FNIP1: variants seen among roughly 807,000 people sequenced by gnomAD.
FNIP1 encodes the protein folliculin interacting protein 1, also known as folliculin-interacting protein 1.
In FNIP1, 40 loss-of-function variants were observed where a neutral mutation model predicts 124.5. That is an observed-to-expected ratio of 0.32 (90% CI 0.25 to 0.42). The LOEUF (loss-of-function observed/expected upper bound fraction) is 0.42, where lower values mean the gene tolerates loss of function less well. FNIP1 is among the 10% of genes least tolerant of loss of function. The pLI is 1.00. For synonymous variants in FNIP1, 472 were observed against 470.6 expected (o/e 1.00, Z -0.04); for missense variants, 1,176 against 1,403.7 (o/e 0.84, Z 2.59).
chr5:131,730,856 A>G, intron 3 of FNIP1, 48 bp downstream of exon 3: 1 of 1,507,834 alleles, frequency 6.6e-7, no homozygotes, highest in Non-Finnish European at 9.0e-7. Context: ...ATGATGTTCA[A>G]AACTAATTAT....
intron 2 of FNIP1, among the ~76,000 whole-genome samples, chr5:131,739,618 C>T (rs1227088507): frequency 1.3e-5 from 2 of 151,890 alleles, no homozygotes; most frequent in Non-Finnish European, 2.9e-5. Context: ...TGGAGAACAC[C>T]CTGGCTAACA....
chr5:131,711,724 G>A (rs1054909891), intron 6 of FNIP1, among the ~76,000 whole-genome samples: 2 of 152,134 alleles, frequency 1.3e-5, no homozygotes, highest in Admixed American at 6.5e-5. Context: ...TCAAATTCCT[G>A]GGGTCAAGTG....
At chr5:131,706,352 T>C (rs987885894) in intron 9 of FNIP1, 59 bp downstream of exon 9, 38 of 1,453,710 alleles carry the variant, frequency 2.6e-5, no homozygotes, top group Middle Eastern at 1.8e-4. Context: ...AAAAAACCCA[T>C]ATAAAATTGT....
rs181646496 is a variant in FNIP1 at position 131,759,087 on chromosome 5, T to C, written c.93-14397A>G. ...TCTGGATCCTTACTTTTTAACCGTA[T>C]AAAAAAATTAACTCAAGATGGAGTA... On this transcript the variant is annotated intron_variant, in intron 1 of 17. Coordinates refer to ENST00000510461, the MANE Select transcript of FNIP1 (RefSeq NM_133372.3). Among the ~76,000 whole-genome samples the C allele has an allele frequency of 1.1e-4, 17 of 152,042 alleles. No homozygotes were observed. In the East Asian group the frequency reaches 1.4e-3, roughly 12 times the overall value.
chr5:131,736,444 C>T (rs1421699329), intron 2 of FNIP1, among the ~76,000 whole-genome samples: 1 of 152,220 alleles, frequency 6.6e-6, no homozygotes, highest in Non-Finnish European at 1.5e-5. Context: ...ACCACCATTT[C>T]ATCAGTCAAC....
intron 11 of FNIP1, among the ~76,000 whole-genome samples, chr5:131,683,315 G>A (rs751521342): frequency 1.1e-4 from 16 of 151,888 alleles, no homozygotes; most frequent in African/African-American, 1.7e-4. Context: ...TTGGGAGGCC[G>A]AGGCAGGCAG....
chr5:131,643,717 T>G lies in FNIP1; in HGVS notation c.*968A>C, dbSNP rs1430028808. ...GATTATTAAGCAGTGAAACAAATATTCAGCTCCTATGGGTTCATGAGGGTT... is the reference window on the plus strand; with the variant it reads ...GATTATTAAGCAGTGAAACAAATATGCAGCTCCTATGGGTTCATGAGGGTT... On this transcript the variant is annotated 3_prime_UTR_variant, in exon 18 of 18. Transcript: ENST00000510461. The G allele has an allele frequency of 1.3e-5, 2 of 152,698 alleles. No homozygotes were observed. The highest frequency in any genetic ancestry group is 2.9e-5 in the Non-Finnish European group (2 of 68,012). 9.5% of individuals were successfully genotyped at this position (152,698 alleles called of 1,614,324 possible). A position where few individuals can be genotyped will look rare whatever the true frequency, so the allele number is the denominator to read the frequency against.
chr5:131,663,478 T>G (rs1395587802), intron 15 of FNIP1, among the ~76,000 whole-genome samples: 1 of 152,178 alleles, frequency 6.6e-6, no homozygotes, highest in Non-Finnish European at 1.5e-5. Flanking sequence ...AAATGGAAAC[T>G]TTAATCCCTG....
chr5:131,711,725 G>A (rs1431404030), intron 6 of FNIP1, among the ~76,000 whole-genome samples: 2 of 152,150 alleles, frequency 1.3e-5, no homozygotes, highest in Non-Finnish European at 2.9e-5. Context: ...CAAATTCCTG[G>A]GGTCAAGTGA....
At chr5:131,748,711 A>C (rs948378824) in intron 1 of FNIP1, among the ~76,000 whole-genome samples, 18 of 125,770 alleles carry the variant, frequency 1.4e-4, no homozygotes, top group Middle Eastern at 3.8e-3. Flanking sequence ...AAAAAAAAGA[A>C]AAAAAAAAAA....
At chr5:131,763,533 G>A (rs1370752524) in intron 1 of FNIP1, among the ~76,000 whole-genome samples, 2 of 152,082 alleles carry the variant, frequency 1.3e-5, no homozygotes, top group African/African-American at 4.8e-5. Context: ...GTGGAGAAAG[G>A]CGAAGAAGGA....
chr5:131,686,426 C>T (rs1289755896), intron 11 of FNIP1, among the ~76,000 whole-genome samples: 2 of 152,132 alleles, frequency 1.3e-5, no homozygotes, highest in Non-Finnish European at 2.9e-5. Context: ...CTCACTGCAA[C>T]CTTGACTACC....
At chr5:131,673,053 T>G (rs913515807) in intron 13 of FNIP1, 129 bp from the exon 14 acceptor site, 1 of 515,826 alleles carries the variant, frequency 1.9e-6, no homozygotes, top group Non-Finnish European at 3.0e-6. Context: ...GTTTTTTTGT[T>G]TTTTTTTTTT....
chr5:131,653,098 G>A (rs1767088108), intron 15 of FNIP1, among the ~76,000 whole-genome samples: 1 of 152,134 alleles, frequency 6.6e-6, no homozygotes, highest in Non-Finnish European at 1.5e-5. Flanking sequence ...GGTATTCCTT[G>A]ATGTCATGAA....
intron 1 of FNIP1, among the ~76,000 whole-genome samples, chr5:131,746,363 G>A (rs1770681435): frequency 6.6e-6 from 1 of 152,162 alleles, no homozygotes; most frequent in Admixed American, 6.5e-5. Context: ...TACAACTGAT[G>A]CTGTCACCCA....
At chr5:131,794,266 A>AT (rs1210156848) in intron 1 of FNIP1, among the ~76,000 whole-genome samples, 24 of 147,922 alleles carry the variant, frequency 1.6e-4, no homozygotes, top group African/African-American at 4.7e-4. Flanking sequence ...TAAATTTCAT[A>AT]TTTTTTTTAC....
In FNIP1 at chr5:131,670,650, CA is replaced by C; in HGVS notation, c.2940-20del. 10 of 1,554,402 alleles carry C rather than the reference CA, an allele frequency of 6.4e-6. No homozygotes were observed. Among genetic ancestry groups the C allele is most frequent in the Non-Finnish European group, 8.7e-6 (10 of 1,154,048 alleles). ...CTTTGACCTGGAAGAAAAATGCCCC[CA>C]AAAGACATTTATTTAGTAATAAATA... On this transcript the variant is annotated intron_variant, in intron 14 of 17. Transcript: ENST00000510461.
intron 1 of FNIP1, among the ~76,000 whole-genome samples, chr5:131,785,099 GACT>G (rs1370755254): frequency 5.8e-3 from 107 of 18,384 alleles, no homozygotes; most frequent in African/African-American, 0.013. Context: ...TGATATATAT[GACT>G]ATATATATAT....
At chr5:131,646,469 T>C (rs1264269488) in intron 17 of FNIP1, among the ~76,000 whole-genome samples, 1 of 152,258 alleles carries the variant, frequency 6.6e-6, no homozygotes, top group South Asian at 2.1e-4. Context: ...ATAAAAGTTC[T>C]AGCTTGTTTT....
Sources: allele counts gnomAD v4.1 joint callset (sites outside exome capture counted in the v4.1 genomes callset), GRCh38; gene constraint gnomAD v4.1.1; transcripts MANE v1.5; gene names NCBI Gene and HGNC (gene_info 2026-07-23, HGNC 2026-07-21).